ZDHHC9: variants seen among roughly 807,000 people sequenced by gnomAD.
ZDHHC9 encodes zDHHC palmitoyltransferase 9.
Under a neutral mutation model 26.6 loss-of-function variants are expected in ZDHHC9, and 3 were observed. That is an observed-to-expected ratio of 0.11 (90% confidence interval 0.05 to 0.29). The LOEUF (loss-of-function observed/expected upper bound fraction) is 0.29. Among genes scored for constraint, ZDHHC9 ranks in the 10% least tolerant of loss-of-function variants. The pLI is 1.00. For synonymous variants in ZDHHC9, 111 were observed against 109.4 expected, an observed-to-expected ratio of 1.01 and a Z score of -0.09; for missense variants, 146 against 296.4, an observed-to-expected ratio of 0.49 and a Z score of 3.73.
intron 8 of ZDHHC9, among the ~76,000 whole-genome samples, chrX:129,811,834 C>G (rs1927648228): frequency 9.0e-6 from 1 of 110,540 alleles, no homozygotes; most frequent in South Asian, 3.8e-4. Flanking sequence ...GAAATACATA[C>G]ACAGCCATGA....
chrX:129,828,887 G>T, intron 4 of ZDHHC9, 94 bp downstream of exon 4: 1 of 1,106,584 alleles, frequency 9.0e-7, no homozygotes, highest in South Asian at 1.8e-5. Flanking sequence ...GGCTAGAAGT[G>T]ATTATTAATC....
At chrX:129,809,988 C>CAAA (rs55755290) in intron 10 of ZDHHC9, among the ~76,000 whole-genome samples, 9 of 58,583 alleles carry the variant, frequency 1.5e-4, no homozygotes, top group Non-Finnish European at 2.4e-4. Context: ...GACTCCGTCT[C>CAAA]AAAAAAAAAA....
intron 4 of ZDHHC9, among the ~76,000 whole-genome samples, chrX:129,825,077 C>T (rs1352063904): frequency 9.0e-6 from 1 of 111,119 alleles, no homozygotes; most frequent in South Asian, 3.7e-4. Flanking sequence ...CTGAGGCAGG[C>T]GGGGCACCTG....
At chrX:129,834,644 T>C (rs903969305) in intron 3 of ZDHHC9, among the ~76,000 whole-genome samples, 2 of 111,521 alleles carry the variant, frequency 1.8e-5, no homozygotes, top group Non-Finnish European at 3.8e-5. Context: ...AAGTTCAAAT[T>C]TCAGTTACAA....
At chrX:129,821,173 C>T (rs1239173178) in intron 5 of ZDHHC9, among the ~76,000 whole-genome samples, 6 of 111,741 alleles carry the variant, frequency 5.4e-5, no homozygotes, top group East Asian at 5.6e-4. Context: ...GAAATAGGAA[C>T]GCTATTGTTG....
chrX:129,815,149 T>A (rs1188094210), intron 5 of ZDHHC9, among the ~76,000 whole-genome samples: 1 of 110,782 alleles, frequency 9.0e-6, no homozygotes, highest in Non-Finnish European at 1.9e-5. Flanking sequence ...TCAAGAAGAA[T>A]AAACAGGTCA....
intron 3 of ZDHHC9, among the ~76,000 whole-genome samples, chrX:129,831,405 G>T (rs188045696): frequency 3.6e-4 from 40 of 111,625 alleles, no homozygotes; most frequent in African/African-American, 1.1e-3. Flanking sequence ...CCACCAAAGA[G>T]AGCTTAATTT....
At chrX:129,814,902 C>A in intron 5 of ZDHHC9, 107 bp from the exon 6 acceptor site, 1 of 854,866 alleles carries the variant, frequency 1.2e-6, no homozygotes, top group Non-Finnish European at 1.7e-6. Context: ...TTGTCTATTT[C>A]AGTTGTAAAA....
chrX:129,811,396 C>G lies in ZDHHC9; in HGVS notation c.881+10G>C, dbSNP rs2124101663. 2.5e-6 allele frequency: 3 copies of G among 1,200,081 alleles called. No homozygotes were observed. Among genetic ancestry groups the G allele is most frequent in the Non-Finnish European group, 3.4e-6 (3 of 885,920 alleles). On this transcript the variant is annotated intron_variant, in intron 9 of 10. Coordinates refer to ENST00000357166, the MANE Select transcript of ZDHHC9 (RefSeq NM_016032.4). ...CCAACAGTCCCAGGACTTTTGAGTG[C>G]CCTGAGCACCTGGGGGGCAAGGGGC...
chrX:129,832,872 A>G (rs1928176909), intron 3 of ZDHHC9, among the ~76,000 whole-genome samples: 1 of 106,592 alleles, frequency 9.4e-6, no homozygotes, highest in Non-Finnish European at 1.9e-5. Flanking sequence ...AAGCTGAGAC[A>G]GGAGAATCAC....
In ZDHHC9 at chrX:129,803,695, A is replaced by C. The variant is rs971937356; in HGVS notation, c.*2675T>G. Reference sequence around the variant, plus strand: ...AGGGCCAGGAAGGCCTCAGAGCTGAATGGACATGAAGAAATGGCTCACCAC... The same window carrying C: ...AGGGCCAGGAAGGCCTCAGAGCTGACTGGACATGAAGAAATGGCTCACCAC... On this transcript the variant is annotated 3_prime_UTR_variant, in exon 11 of 11. Coordinates refer to ENST00000357166, the MANE Select transcript of ZDHHC9 (RefSeq NM_016032.4). The C allele has an allele frequency of 9.0e-6, 1 of 111,599 alleles. No homozygotes were observed. The highest frequency in any genetic ancestry group is 1.9e-5 in the Non-Finnish European group (1 of 53,136). The allele number at this position is 111,599 out of a possible 1,213,427, so 9.2% of individuals were successfully genotyped here.
At chrX:129,814,479 T>C (rs771058110) in intron 6 of ZDHHC9, among the ~76,000 whole-genome samples, 179 bp downstream of exon 6, 1 of 111,835 alleles carries the variant, frequency 8.9e-6, no homozygotes, top group Admixed American at 9.5e-5. Flanking sequence ...TTAATACTCA[T>C]TGATGTGCAC....
At chrX:129,823,608 T>C (rs1602953896) in intron 5 of ZDHHC9, 71 bp downstream of exon 5, 2 of 1,164,399 alleles carry the variant, frequency 1.7e-6, no homozygotes, top group East Asian at 3.0e-5. Flanking sequence ...CCTCCCAAAA[T>C]TGGTGACCAC....
chrX:129,820,975 T>C (rs988115945), intron 5 of ZDHHC9, among the ~76,000 whole-genome samples: 1 of 111,084 alleles, frequency 9.0e-6, no homozygotes, highest in Non-Finnish European at 1.9e-5. Context: ...CCCCTCCCTG[T>C]GTCCATGTGT....
In ZDHHC9 at chrX:129,813,840, A is replaced by G. The variant is rs1049673965; in HGVS notation, c.626-115T>C. 5.9e-6 allele frequency: 4 copies of G among 682,026 alleles called. No individual in the cohort carries two copies. The African/African-American group carries it at 8.6e-5, about 15-fold the overall frequency. The allele number at this position is 682,026 out of a possible 1,213,427, so 56.2% of individuals were successfully genotyped here. The stretch of plus-strand genomic sequence containing the variant: ...CCCTCTCCCGTGTTACACACTGGCA[A>G]GAGCTAAGCTCTCACTCGGGCAAGG... On this transcript the variant is annotated intron_variant, in intron 6 of 10. Transcript: ENST00000357166.
chrX:129,811,480 G>A lies in ZDHHC9; in HGVS notation c.807C>T (p.Arg269=), dbSNP rs372471639. The A allele has an allele frequency of 9.9e-6, 12 of 1,207,453 alleles. No individual in the cohort carries two copies. Among genetic ancestry groups the A allele is most frequent in the African/African-American group, 8.8e-5 (5 of 56,858 alleles). The change falls in exon 9 of 11, where the codon CGC becomes CGT. Residue 269 remains arginine, a synonymous_variant. Coordinates refer to ENST00000357166, the MANE Select transcript of ZDHHC9 (RefSeq NM_016032.4). ...DIKGSWTGKN[R]VQNPYSHGNI... ...TGCCATGGCTGTAGGGATTCTGGAC[G>A]CGATTCTTCCCTGTCCATGATCCTT...
At chrX:129,806,529 C>T in intron 10 of ZDHHC9, 43 bp from the exon 11 acceptor site, 1 of 1,108,097 alleles carries the variant, frequency 9.0e-7, no homozygotes, top group Non-Finnish European at 1.2e-6. Flanking sequence ...AGCTGTTCCT[C>T]AAAATCCAAA....
At chrX:129,834,134 TGCCCCTTTGGCAAGGGAGAG>T (rs1210209040) in intron 3 of ZDHHC9, among the ~76,000 whole-genome samples, 1 of 111,562 alleles carries the variant, frequency 9.0e-6, no homozygotes, top group Non-Finnish European at 1.9e-5. Flanking sequence ...CAAGCTCCCT[TGCCCCTTTGGCAAGGGAGAG>T]AAGACAGCCA....
intron 7 of ZDHHC9, 101 bp from the exon 8 acceptor site, chrX:129,812,921 C>T (rs1037590773): frequency 1.8e-6 from 1 of 570,853 alleles, no homozygotes; most frequent in African/African-American, 2.2e-5. Context: ...CCTCCTGGAA[C>T]GTATATCACA....
Sources: gnomAD v4.1 joint callset for allele counts (sites outside exome capture counted in the v4.1 genomes callset) on GRCh38, gnomAD v4.1.1 for gene constraint, MANE v1.5 for transcripts, NCBI Gene and HGNC (gene_info 2026-07-23, HGNC 2026-07-21) for gene names.